TMPRSS11D: variants seen among roughly 807,000 people sequenced by gnomAD.
The protein encoded by TMPRSS11D is transmembrane serine protease 11D.
A neutral mutation model predicts 44.4 loss-of-function variants in TMPRSS11D; 32 were observed. The observed-to-expected ratio is 0.72, with a 90% CI of 0.54 to 0.97. The LOEUF (loss-of-function observed/expected upper bound fraction) is 0.97. Among genes scored for constraint, TMPRSS11D ranks in the 50% least tolerant of loss-of-function variants. The pLI is 0.00. For missense variants in TMPRSS11D, 446 were observed against 502.6 expected (o/e 0.89, Z 1.08); for synonymous variants, 179 against 177.9 (o/e 1.01, Z -0.05).
At chr4:67,865,529 G>C (rs1718903066) in intron 1 of TMPRSS11D, among the ~76,000 whole-genome samples, 1 of 151,194 alleles carries the variant, frequency 6.6e-6, no homozygotes. Flanking sequence ...AAGGATCAAT[G>C]AAAGAAAAAG....
Position 67,822,034 on chromosome 4 carries a change from C to G in TMPRSS11D, c.*303G>C, listed in dbSNP as rs1178383040. Reference sequence around the variant, plus strand: ...TCCTCTACTATACATGCTCAAGGTTCCTGTTCTTCTCACTACGGGCATTTA... The same window carrying G: ...TCCTCTACTATACATGCTCAAGGTTGCTGTTCTTCTCACTACGGGCATTTA... On this transcript the variant is annotated 3_prime_UTR_variant, in exon 10 of 10. Transcript: ENST00000283916. 8.1e-6 allele frequency: 2 copies of G among 247,664 alleles called. No homozygotes were observed. The highest frequency in any genetic ancestry group is 4.4e-5 in the African/African-American group (2 of 45,428). The allele number at this position is 247,664 out of a possible 1,614,324, so 15.3% of individuals were successfully genotyped here. A position where few individuals can be genotyped will look rare whatever the true frequency, so the allele number is the denominator to read the frequency against.
intron 9 of TMPRSS11D, among the ~76,000 whole-genome samples, chr4:67,823,842 A>G (rs1369613974): frequency 6.6e-6 from 1 of 152,004 alleles, no homozygotes; most frequent in East Asian, 1.9e-4. Context: ...TTCTATAGTG[A>G]GAAATTATTT....
chr4:67,849,718 A>T (rs1718447645), intron 3 of TMPRSS11D, among the ~76,000 whole-genome samples: 1 of 152,258 alleles, frequency 6.6e-6, no homozygotes, highest in Non-Finnish European at 1.5e-5. Context: ...AAATAAAATA[A>T]AAAATTCTGA....
At chr4:67,863,814 T>C (rs1718852771) in intron 1 of TMPRSS11D, among the ~76,000 whole-genome samples, 1 of 152,120 alleles carries the variant, frequency 6.6e-6, no homozygotes, top group Admixed American at 6.6e-5. Flanking sequence ...TACCAATGAT[T>C]TGTAAACTGG....
At chr4:67,854,979 G>A (rs1333794619) in intron 2 of TMPRSS11D, among the ~76,000 whole-genome samples, 5 of 147,362 alleles carry the variant, frequency 3.4e-5, no homozygotes, top group South Asian at 2.2e-4. Context: ...ACTACAGGCC[G>A]GGTGCAGTGG....
chr4:67,883,195 A>G (rs1237988034), intron 1 of TMPRSS11D, among the ~76,000 whole-genome samples: 2 of 152,056 alleles, frequency 1.3e-5, no homozygotes, highest in Non-Finnish European at 2.9e-5. Context: ...TATCAGTATC[A>G]TGTTTTCCTG....
intron 4 of TMPRSS11D, among the ~76,000 whole-genome samples, chr4:67,841,879 A>C (rs1718239334): frequency 6.6e-6 from 1 of 152,202 alleles, no homozygotes; most frequent in Admixed American, 6.5e-5. Context: ...TTTGAGAAAG[A>C]ATTAGTATAA....
At chr4:67,875,870 G>C (rs553976629) in intron 1 of TMPRSS11D, among the ~76,000 whole-genome samples, 1 of 152,262 alleles carries the variant, frequency 6.6e-6, no homozygotes, top group South Asian at 2.1e-4. Flanking sequence ...TTTGTTTTCT[G>C]CTGTATCTCC....
chr4:67,827,254 C>A lies in TMPRSS11D; in HGVS notation c.952+7G>T. ...CTATTGTTAATTTTTTTTTCCGAGA[C>A]ACTTACCAGCATATTCTTGAGCGCC... is the stretch of plus-strand genomic sequence containing the variant. On this transcript the variant is annotated splice_region_variant and intron_variant, in intron 8 of 9. Transcript: ENST00000283916. The A allele has an allele frequency of 6.4e-7, 1 of 1,573,324 alleles. No homozygotes were observed.
At chr4:67,844,418 A>G (rs1205959041) in intron 3 of TMPRSS11D, among the ~76,000 whole-genome samples, 1 of 152,108 alleles carries the variant, frequency 6.6e-6, no homozygotes, top group African/African-American at 2.4e-5. Context: ...TGTTGGTTTT[A>G]TCAAAGTACT....
intron 4 of TMPRSS11D, 123 bp downstream of exon 4, chr4:67,842,435 T>G: frequency 1.1e-6 from 1 of 914,254 alleles, no homozygotes; most frequent in Admixed American, 2.4e-5. Flanking sequence ...CTGACTAAAA[T>G]ACTATTTTCA....
chr4:67,842,677 C>A, intron 3 of TMPRSS11D, 52 bp from the exon 4 acceptor site: 1 of 1,505,366 alleles, frequency 6.6e-7, no homozygotes, highest in South Asian at 1.2e-5. Flanking sequence ...TTCTTCTTCT[C>A]CTTCCTCTCA....
In TMPRSS11D at chr4:67,833,300, G is replaced by A. The variant is rs369417549; in HGVS notation, c.596C>T (p.Pro199Leu). Reference protein sequence around the residue: ...GGTEAEEGSWPWQVSLRLNNA... With the variant: ...GGTEAEEGSWLWQVSLRLNNA... ...ATTGAGCCGCAGACTGACTTGCCACGGCCAGCTTCCCTCCTCAGCCTCAGT... is the reference window on the plus strand; with the variant it reads ...ATTGAGCCGCAGACTGACTTGCCACAGCCAGCTTCCCTCCTCAGCCTCAGT... Residue 199 changes from proline to leucine, a missense_variant, in exon 7 of 10, where the codon CCG becomes CTG. By Grantham distance (98) the Pro-to-Leu change is moderately conservative. Coordinates refer to ENST00000283916, the MANE Select transcript of TMPRSS11D (RefSeq NM_004262.3). The A allele has an allele frequency of 8.8e-6, 14 of 1,596,102 alleles. No homozygotes were observed. The highest frequency in any genetic ancestry group is 4.1e-5 in the African/African-American group (3 of 73,714).
chr4:67,842,717 A>G (rs1560540884), intron 3 of TMPRSS11D, 92 bp from the exon 4 acceptor site: 2 of 1,157,770 alleles, frequency 1.7e-6, no homozygotes, highest in Non-Finnish European at 1.3e-6. Context: ...GTTAATGAGG[A>G]GTAGAAAACT....
At chr4:67,825,219 A>G (rs781171755) in intron 9 of TMPRSS11D, among the ~76,000 whole-genome samples, 1 of 151,850 alleles carries the variant, frequency 6.6e-6, no homozygotes, top group East Asian at 1.9e-4. Context: ...TTTATTATAT[A>G]TCAATTAATT....
chr4:67,862,867 T>G (rs1718824800), intron 1 of TMPRSS11D, among the ~76,000 whole-genome samples: 1 of 149,912 alleles, frequency 6.7e-6, no homozygotes. Context: ...TGAGAACACT[T>G]GGACACAGGG....
rs118048006 is a variant in TMPRSS11D, at chr4:67,840,192, C to T, written c.318-1863G>A. On this transcript the variant is annotated intron_variant, in intron 4 of 9. Coordinates refer to ENST00000283916, the MANE Select transcript of TMPRSS11D (RefSeq NM_004262.3). ...TTCTCACGGAGCTATAAAGAACCGC[C>T]GGAGACTGGGTAATTTACAAAGAAA... 4.4e-4 allele frequency among the ~76,000 whole-genome samples: 67 copies of T among 152,016 alleles called. 1 individual carries two copies. In the East Asian group the frequency reaches 7.9e-3, roughly 18 times the overall value.
At chr4:67,827,594 C>T (rs2109658285) in intron 7 of TMPRSS11D, 74 bp from the exon 8 acceptor site, 3 of 1,433,638 alleles carry the variant, frequency 2.1e-6, no homozygotes, top group South Asian at 2.9e-5. Context: ...TCATCTTAGC[C>T]ATCCTGTACC....
At chr4:67,843,041 C>T in intron 3 of TMPRSS11D, among the ~76,000 whole-genome samples, 1 of 150,320 alleles carries the variant, frequency 6.7e-6, no homozygotes, top group South Asian at 2.1e-4. Flanking sequence ...CCTGATTAAA[C>T]CAGACTAAAA....
Sources: gnomAD v4.1 joint callset for allele counts (sites outside exome capture counted in the v4.1 genomes callset) on GRCh38, gnomAD v4.1.1 for gene constraint, MANE v1.5 for transcripts, NCBI Gene and HGNC (gene_info 2026-07-23, HGNC 2026-07-21) for gene names.